Variants in SFMBT1 observed in about 807,000 individuals in gnomAD.
The protein encoded by SFMBT1 is Scm like with four mbt domains 1, also known as scm-like with four MBT domains protein 1.
Under a neutral mutation model 108.7 loss-of-function variants are expected in SFMBT1, and 32 were observed. That is an observed-to-expected ratio of 0.29 (90% CI 0.22 to 0.40). SFMBT1 has a LOEUF of 0.40. Among genes scored for constraint, SFMBT1 ranks in the 10% least tolerant of loss-of-function variants. The pLI, the probability that SFMBT1 is intolerant of heterozygous loss-of-function variation, is 1.00. For synonymous variants in SFMBT1, 348 were observed against 369.5 expected, an observed-to-expected ratio of 0.94 and a Z score of 0.67; for missense variants, 816 against 1,059.6, an observed-to-expected ratio of 0.77 and a Z score of 3.19.
rs963384619 is a variant in SFMBT1, at chr3:53,000,005, T to C, written c.-130-30747A>G. Reference sequence around the variant, plus strand: ...TCATGAGTAGTTGGGACTACAGGCATGTGCCACCACATCAGCCCGGCTAAT... The same window carrying C: ...TCATGAGTAGTTGGGACTACAGGCACGTGCCACCACATCAGCCCGGCTAAT... On this transcript the variant is annotated intron_variant, in intron 1 of 20. Transcript: ENST00000394752. Among the ~76,000 whole-genome samples, 10 of 150,020 alleles carry C rather than the reference T, an allele frequency of 6.7e-5. 1 individual carries two copies. Among genetic ancestry groups the C allele is most frequent in the Admixed American group, 1.3e-4 (2 of 14,868 alleles).
intron 2 of SFMBT1, among the ~76,000 whole-genome samples, chr3:52,958,358 C>CG (rs1393740073): frequency 6.6e-6 from 1 of 152,108 alleles, no homozygotes; most frequent in African/African-American, 2.4e-5. Flanking sequence ...TGGGAGGCCG[C>CG]GGCAGGCGGA....
chr3:52,955,635 C>T (rs1703754463), intron 2 of SFMBT1, among the ~76,000 whole-genome samples: 3 of 151,824 alleles, frequency 2.0e-5, no homozygotes, highest in South Asian at 4.2e-4. Context: ...ACACATACAC[C>T]CTCCCAAGAC....
chr3:52,918,919 G>A (rs1413702754), intron 12 of SFMBT1, among the ~76,000 whole-genome samples: 1 of 151,912 alleles, frequency 6.6e-6, no homozygotes, highest in African/African-American at 2.4e-5. Flanking sequence ...GGGGTGGGGG[G>A]TCATTTCAGG....
chr3:53,009,354 A>T (rs1466986735), intron 1 of SFMBT1, among the ~76,000 whole-genome samples: 1 of 152,126 alleles, frequency 6.6e-6, no homozygotes, highest in Admixed American at 6.6e-5. Flanking sequence ...AGGCTGAGGC[A>T]GGAGAATTGC....
At chr3:52,994,700 G>A (rs1304321058) in intron 1 of SFMBT1, among the ~76,000 whole-genome samples, 1 of 150,006 alleles carries the variant, frequency 6.7e-6, no homozygotes, top group African/African-American at 2.4e-5. Context: ...GGGTTTCACT[G>A]TGTTGGCCGG....
At chr3:53,041,916 G>A (rs1308569962) in intron 1 of SFMBT1, among the ~76,000 whole-genome samples, 1 of 151,816 alleles carries the variant, frequency 6.6e-6, no homozygotes, top group Non-Finnish European at 1.5e-5. Flanking sequence ...GTTAGGTAAC[G>A]AATGCTATAT....
intron 17 of SFMBT1, 83 bp from the exon 18 acceptor site, chr3:52,907,816 C>A: frequency 1.6e-6 from 2 of 1,253,032 alleles, no homozygotes; most frequent in Admixed American, 2.5e-5. Context: ...ATTAGCATAG[C>A]AAAAAACAGG....
intron 1 of SFMBT1, among the ~76,000 whole-genome samples, chr3:52,974,304 A>G (rs1704442779): frequency 6.6e-6 from 1 of 152,236 alleles, no homozygotes; most frequent in African/African-American, 2.4e-5. Context: ...ACTAATTGCA[A>G]CAATTCAGCA....
At chr3:52,990,037 C>T (rs985418842) in intron 1 of SFMBT1, among the ~76,000 whole-genome samples, 1 of 152,094 alleles carries the variant, frequency 6.6e-6, no homozygotes, top group Non-Finnish European at 1.5e-5. Flanking sequence ...GGATATATTC[C>T]AAAGGCTAGT....
intron 16 of SFMBT1, 49 bp from the exon 17 acceptor site, chr3:52,911,227 C>T (rs1702208274): frequency 6.6e-7 from 1 of 1,523,236 alleles, no homozygotes; most frequent in South Asian, 1.3e-5. Context: ...TAATGATTAC[C>T]CAGAGAAAAA....
chr3:52,928,268 AC>A lies in SFMBT1; in HGVS notation c.970del (p.Val324CysfsTer16). Reference sequence around the variant, plus strand: ...GATGCCAGGACTGTCGGCGTGGCACACAAAGGATCGCCGTGCGTGGTTCTCA... The same window carrying A: ...GATGCCAGGACTGTCGGCGTGGCACAAAAGGATCGCCGTGCGTGGTTCTCA... ...RPENHARRSFVCHADSPGIFP... is the reference protein window; with the variant it reads ...RPENHARRSFXCHADSPGIFP... On this transcript the variant is annotated frameshift_variant, in exon 9 of 21. Transcript: ENST00000394752. LOFTEE classifies it high-confidence loss of function. 1 of 1,614,158 alleles carries A rather than the reference AC, an allele frequency of 6.2e-7. No homozygotes were observed. Among genetic ancestry groups the A allele is most frequent in the Non-Finnish European group, 8.5e-7 (1 of 1,180,018 alleles).
chr3:53,042,152 T>C (rs1700079246), intron 1 of SFMBT1, among the ~76,000 whole-genome samples: 1 of 152,244 alleles, frequency 6.6e-6, no homozygotes. Context: ...TTACTTAATG[T>C]GAACATAACA....
intron 1 of SFMBT1, chr3:53,018,967 G>A (rs929583287): frequency 1.3e-5 from 2 of 152,158 alleles, no homozygotes; most frequent in Non-Finnish European, 2.9e-5. Flanking sequence ...CATCCACACT[G>A]GAATTCTCTT....
In SFMBT1 at chr3:52,954,419, T is replaced by G; in HGVS notation, c.29-8A>C. The stretch of plus-strand genomic sequence containing the variant: ...CCATACCAGAGCCGGCATCTAGAAT[T>G]AAAAATAAAACAAAAACAGGTGAAT... On this transcript the variant is annotated splice_polypyrimidine_tract_variant and splice_region_variant and intron_variant, in intron 2 of 20. Coordinates refer to ENST00000394752, the MANE Select transcript of SFMBT1 (RefSeq NM_016329.4). 1 of 1,602,194 alleles carries G rather than the reference T, an allele frequency of 6.2e-7. No homozygotes were observed.
chr3:52,987,116 G>A (rs924991370), intron 1 of SFMBT1, among the ~76,000 whole-genome samples: 2 of 151,988 alleles, frequency 1.3e-5, no homozygotes, highest in Non-Finnish European at 2.9e-5. Context: ...GAAGATCTTC[G>A]GGAGCAATAA....
intron 3 of SFMBT1, among the ~76,000 whole-genome samples, 191 bp downstream of exon 3, chr3:52,954,126 A>G (rs1703694480): frequency 6.6e-6 from 1 of 152,004 alleles, no homozygotes; most frequent in East Asian, 1.9e-4. Flanking sequence ...CTCCATCTCA[A>G]AAAAAAATAA....
At chr3:52,906,573 T>C (rs570481266) in intron 19 of SFMBT1, among the ~76,000 whole-genome samples, 1 of 152,356 alleles carries the variant, frequency 6.6e-6, no homozygotes, top group Non-Finnish European at 1.5e-5. Context: ...GAGGAATCTT[T>C]ACTGCTTCTG....
Position 52,913,463 on chromosome 3 carries a change from A to C in SFMBT1, c.1620+15T>G, listed in dbSNP as rs762977942. ...TGAAATTTCCAAGTTATTTTGCTCT[A>C]GGCCAGAACCTTACCTCTCTAAGGA... On this transcript the variant is annotated intron_variant, in intron 15 of 20. Transcript: ENST00000394752. 1 of 1,605,264 alleles carries C rather than the reference A, an allele frequency of 6.2e-7. No homozygotes were observed. The highest frequency in any genetic ancestry group is 1.1e-5 in the South Asian group (1 of 89,096).
intron 1 of SFMBT1, among the ~76,000 whole-genome samples, chr3:53,020,662 GGAA>G (rs1699275047): frequency 6.6e-6 from 1 of 152,204 alleles, no homozygotes; most frequent in Non-Finnish European, 1.5e-5. Flanking sequence ...AGTCGAGGAT[GGAA>G]GAAGGAGGGA....
Sources: allele counts gnomAD v4.1 joint callset (sites outside exome capture counted in the v4.1 genomes callset), GRCh38; gene constraint gnomAD v4.1.1; transcripts MANE v1.5; gene names NCBI Gene and HGNC (gene_info 2026-07-23, HGNC 2026-07-21).